Variants in GSTCD observed in about 807,000 individuals in gnomAD.
GSTCD encodes glutathione S-transferase C-terminal domain-containing protein.
In GSTCD, 44 loss-of-function variants were observed where a neutral mutation model predicts 68.3. The ratio of observed to expected loss-of-function variants is 0.64; its 90% CI spans 0.51 to 0.83. GSTCD has a LOEUF of 0.83. Ranked by LOEUF, GSTCD falls within the 40% of genes least tolerant of loss-of-function variation. GSTCD has a pLI of 0.00. For synonymous variants in GSTCD, 273 were observed against 255.2 expected (o/e 1.07, Z -0.67); for missense variants, 739 against 735.9 (o/e 1.00, Z -0.05).
chr4:105,731,710 C>T (rs1351532047), intron 5 of GSTCD, among the ~76,000 whole-genome samples: 2 of 151,930 alleles, frequency 1.3e-5, no homozygotes, highest in Non-Finnish European at 2.9e-5. Flanking sequence ...ATTGCCCTGG[C>T]CAGAACTTCC....
At position 105,822,425 on chromosome 4, in the gene GSTCD, C is replaced by T. The variant is rs527837561; in HGVS notation, c.1241-529C>T. On this transcript the variant is annotated intron_variant, in intron 5 of 11. Coordinates refer to ENST00000515279, the MANE Select transcript of GSTCD (RefSeq NM_001370181.1). ...TGTTTCAAAGTTTCCCAGTGTCCTACACAGAAGAATCAAGAGTTCAAGGAT... is the reference window on the plus strand; with the variant it reads ...TGTTTCAAAGTTTCCCAGTGTCCTATACAGAAGAATCAAGAGTTCAAGGAT... 3.3e-5 allele frequency among the ~76,000 whole-genome samples: 5 copies of T among 152,138 alleles called. No individual in the cohort carries two copies. The South Asian group carries it at 1.0e-3, about 32-fold the overall frequency.
intron 5 of GSTCD, among the ~76,000 whole-genome samples, chr4:105,734,976 T>G (rs563403875): frequency 6.6e-6 from 1 of 152,200 alleles, no homozygotes; most frequent in Non-Finnish European, 1.5e-5. Context: ...GTATCAGCAG[T>G]GTAGGCTGCA....
intron 5 of GSTCD, chr4:105,820,515 C>T (rs1723233803): frequency 6.6e-6 from 1 of 151,806 alleles, no homozygotes; most frequent in African/African-American, 2.4e-5. Flanking sequence ...TAAATTAATA[C>T]TGTATCCCAA....
intron 5 of GSTCD, among the ~76,000 whole-genome samples, chr4:105,808,368 T>G (rs908372635): frequency 5.3e-5 from 8 of 152,104 alleles, no homozygotes; most frequent in African/African-American, 1.2e-4. Flanking sequence ...ACTCTCTACA[T>G]CAGTCCATCA....
intron 5 of GSTCD, among the ~76,000 whole-genome samples, chr4:105,790,135 G>A (rs1735608314): frequency 2.0e-5 from 3 of 152,016 alleles, no homozygotes; most frequent in Admixed American, 1.3e-4. Context: ...AGTTGTAAAG[G>A]AGAACTAGGA....
At chr4:105,799,293 A>G (rs887222993) in intron 5 of GSTCD, among the ~76,000 whole-genome samples, 1 of 152,184 alleles carries the variant, frequency 6.6e-6, no homozygotes, top group East Asian at 1.9e-4. Flanking sequence ...CTTATCATTC[A>G]TGTATTCACT....
chr4:105,752,860 T>C (rs1437224341), intron 5 of GSTCD, among the ~76,000 whole-genome samples: 1 of 152,106 alleles, frequency 6.6e-6, no homozygotes, highest in Non-Finnish European at 1.5e-5. Context: ...ATGTGAATAA[T>C]GAAATACTGG....
chr4:105,749,064 T>C (rs995280559), intron 5 of GSTCD, among the ~76,000 whole-genome samples: 2 of 151,942 alleles, frequency 1.3e-5, no homozygotes, highest in Non-Finnish European at 2.9e-5. Context: ...TAATGTACCA[T>C]ATAATCTTTA....
Position 105,771,057 on chromosome 4 carries a change from C to T in GSTCD, c.1240+41558C>T, listed in dbSNP as rs532771351. On this transcript the variant is annotated intron_variant, in intron 5 of 11. Transcript: ENST00000515279. ...TGTTGTTTCCTGACTTTTTAATGAT[C>T]GCCATTCTAACTGCCATGAGATGGT... Among the ~76,000 whole-genome samples, 356 of 152,194 alleles carry T rather than the reference C, an allele frequency of 2.3e-3. 1 individual carries two copies. The highest frequency in any genetic ancestry group is 8.1e-3 in the African/African-American group (335 of 41,544).
At chr4:105,760,878 T>G (rs1176717543) in intron 5 of GSTCD, 1 of 230,442 alleles carries the variant, frequency 4.3e-6, no homozygotes, top group Non-Finnish European at 8.4e-6. Context: ...TTACAGTGTT[T>G]AAGTGGGAGG....
At chr4:105,837,437 G>A (rs1215397694) in intron 9 of GSTCD, among the ~76,000 whole-genome samples, 1 of 152,170 alleles carries the variant, frequency 6.6e-6, no homozygotes, top group Non-Finnish European at 1.5e-5. Context: ...CTATACTGGT[G>A]TTTCCCCATG....
chr4:105,720,948 C>T (rs888175623), intron 3 of GSTCD, among the ~76,000 whole-genome samples: 7 of 151,756 alleles, frequency 4.6e-5, no homozygotes, highest in East Asian at 1.9e-4. Flanking sequence ...TATTTTCCTT[C>T]GTTCCTTTGT....
chr4:105,796,697 T>C (rs1381204413), intron 5 of GSTCD, among the ~76,000 whole-genome samples: 2 of 152,196 alleles, frequency 1.3e-5, no homozygotes, highest in African/African-American at 4.8e-5. Flanking sequence ...GGTCACAAAC[T>C]GATGGTCCTT....
intron 7 of GSTCD, 40 bp from the exon 8 acceptor site, chr4:105,825,632 A>G: frequency 8.5e-7 from 1 of 1,170,682 alleles, no homozygotes. Context: ...TGTCTGAATT[A>G]TGTTACTAAA....
chr4:105,786,125 T>TG (rs373616228), intron 5 of GSTCD, among the ~76,000 whole-genome samples: 20 of 152,314 alleles, frequency 1.3e-4, no homozygotes, highest in African/African-American at 4.8e-4. Flanking sequence ...CATAATTATT[T>TG]GTGATACTGG....
At position 105,719,390 on chromosome 4, in the gene GSTCD, G is replaced by T. The variant is rs1440857500; in HGVS notation, c.757G>T (p.Ala253Ser). 3 of 1,613,974 alleles carry T rather than the reference G, an allele frequency of 1.9e-6. No homozygotes were observed. Among genetic ancestry groups the T allele is most frequent in the Non-Finnish European group, 2.5e-6 (3 of 1,179,976 alleles). The change falls in exon 3 of 12, where the codon GCT (alanine) becomes TCT (serine). Residue 253 changes from alanine to serine, a missense_variant. Physicochemically the swap from Ala to Ser is moderately conservative, Grantham distance 99. Coordinates refer to ENST00000515279, the MANE Select transcript of GSTCD (RefSeq NM_001370181.1). Reference protein sequence around the residue: ...FSKLTVQEEPATTNREPSHIR... With the variant: ...FSKLTVQEEPSTTNREPSHIR... The stretch of plus-strand genomic sequence containing the variant: ...AAAGCTCACAGTACAGGAAGAACCA[G>T]CTACTACCAACAGAGAGCCTTCTCA...
intron 5 of GSTCD, among the ~76,000 whole-genome samples, chr4:105,819,457 CTTCTTATTCAT>C (rs2149272405): frequency 1.3e-5 from 2 of 151,784 alleles, no homozygotes; most frequent in African/African-American, 4.8e-5. Flanking sequence ...GAAACTATGT[CTTCTTATTCAT>C]TTCTGTTGAG....
chr4:105,755,936 G>A (rs1420776399), intron 5 of GSTCD, among the ~76,000 whole-genome samples: 22 of 150,206 alleles, frequency 1.5e-4, no homozygotes, highest in Admixed American at 1.4e-3. Context: ...ATCACCATGT[G>A]ATATGGGTAC....
intron 5 of GSTCD, among the ~76,000 whole-genome samples, chr4:105,755,340 G>A (rs1333484295): frequency 1.3e-5 from 2 of 151,644 alleles, no homozygotes; most frequent in East Asian, 3.9e-4. Context: ...GAGGTAGGGA[G>A]GTAAGGAGGG....
Sources: gnomAD v4.1 joint callset for allele counts (sites outside exome capture counted in the v4.1 genomes callset) on GRCh38, gnomAD v4.1.1 for gene constraint, MANE v1.5 for transcripts, NCBI Gene and HGNC (gene_info 2026-07-23, HGNC 2026-07-21) for gene names.